The following PER2 variants were observed in gnomAD, a reference collection of about 807,000 sequenced individuals.
The protein encoded by PER2 is period circadian regulator 2, also known as period circadian protein homolog 2.
Under a neutral mutation model 121.0 loss-of-function variants are expected in PER2, and 66 were observed. The observed-to-expected ratio is 0.55, with a 90% CI of 0.45 to 0.67. The LOEUF is 0.67. PER2 is among the 30% of genes least tolerant of loss of function. The pLI is 0.00. For synonymous variants in PER2, 684 were observed against 659.9 expected (o/e 1.04, Z -0.56); for missense variants, 1,521 against 1,635.0 (o/e 0.93, Z 1.20).
chr2:238,273,335 C>T (rs770465265), intron 4 of PER2, 144 bp from the exon 5 acceptor site: 17 of 871,152 alleles, frequency 2.0e-5, no homozygotes, highest in South Asian at 2.9e-5. Context: ...ACAGAACATA[C>T]GGAAACGTGA....
At chr2:238,296,959 G>A in the PER2 span, among the ~76,000 whole-genome samples, 29 of 152,262 alleles carry the variant, frequency 1.9e-4, no homozygotes, top group African/African-American at 6.0e-4. Context: ...CCCTCCTCGC[G>A]GGGGACATCT....
intron 16 of PER2, 65 bp from the exon 17 acceptor site, chr2:238,257,151 C>A: frequency 6.7e-7 from 1 of 1,490,516 alleles, no homozygotes; most frequent in Admixed American, 1.8e-5. Flanking sequence ...AGATGAGAAA[C>A]CGACACCCAA....
chr2:238,251,897 G>A, intron 19 of PER2, 136 bp from the exon 20 acceptor site: 1 of 776,322 alleles, frequency 1.3e-6, no homozygotes, highest in South Asian at 1.5e-5. Context: ...TTCACGGCCA[G>A]GGACGGCCTA....
chr2:238,282,246 C>G (rs911965885), intron 1 of PER2, among the ~76,000 whole-genome samples: 2 of 152,206 alleles, frequency 1.3e-5, no homozygotes, highest in African/African-American at 4.8e-5. Context: ...CTCCCTCGTG[C>G]CCACAGCCCT....
intron 8 of PER2, among the ~76,000 whole-genome samples, chr2:238,266,190 A>G (rs1696104244): frequency 1.3e-5 from 2 of 152,178 alleles, no homozygotes; most frequent in African/African-American, 2.4e-5. Flanking sequence ...GGCGTGAGCC[A>G]CTGCGCCCGG....
chr2:238,270,618 G>C (rs1361186783), intron 6 of PER2, among the ~76,000 whole-genome samples: 2 of 152,238 alleles, frequency 1.3e-5, no homozygotes, highest in African/African-American at 4.8e-5. Context: ...CCTGAGGAGA[G>C]TGGGGGTCAG....
upstream of PER2, among the ~76,000 whole-genome samples, chr2:238,295,004 G>A (rs1043099433): frequency 6.6e-6 from 1 of 152,250 alleles, no homozygotes; most frequent in Non-Finnish European, 1.5e-5. Context: ...CCAGCTCACA[G>A]TGCCCTCCTT....
rs1229407771 is a variant in PER2 at position 238,244,777 on chromosome 2, G to A, written c.*1598C>T. The stretch of plus-strand genomic sequence containing the variant: ...AACCCTGGTCCCAGTTGGGCGTGGT[G>A]GCTCACGCCTGTAATCCCAGCACTT... On this transcript the variant is annotated 3_prime_UTR_variant, in exon 23 of 23. Coordinates refer to ENST00000254657, the MANE Select transcript of PER2 (RefSeq NM_022817.3). 6.6e-6 allele frequency: 1 copy of A among 151,216 alleles called. No homozygotes were observed. Among genetic ancestry groups the A allele is most frequent in the Non-Finnish European group, 1.5e-5 (1 of 67,798 alleles). The allele number at this position is 151,216 out of a possible 1,614,324, so 9.4% of individuals were successfully genotyped here.
In PER2 at chr2:238,246,234, A is replaced by G. The variant is rs1224014750; in HGVS notation, c.*141T>C. ...TTTTAAGTCGCCCCTTCAGAAAACT[A>G]TGTTGTTTTTTTTTCTAAAACAAAA... On this transcript the variant is annotated 3_prime_UTR_variant, in exon 23 of 23. Transcript: ENST00000254657. 7.2e-6 allele frequency: 4 copies of G among 557,018 alleles called. No homozygotes were observed. The East Asian group carries it at 9.2e-5, about 13-fold the overall frequency. The allele number at this position is 557,018 out of a possible 1,614,324, so 34.5% of individuals were successfully genotyped here.
At chr2:238,285,719 C>T (rs1292616985) in intron 1 of PER2, among the ~76,000 whole-genome samples, 2 of 152,176 alleles carry the variant, frequency 1.3e-5, no homozygotes, top group Non-Finnish European at 2.9e-5. Context: ...CTCCTGGTGG[C>T]CCTCCCAGCC....
chr2:238,257,336 G>A (rs1433531558), intron 16 of PER2, among the ~76,000 whole-genome samples: 1 of 152,260 alleles, frequency 6.6e-6, no homozygotes, highest in Non-Finnish European at 1.5e-5. Flanking sequence ...GGCCTCTGCA[G>A]GGAGGCGCAG....
chr2:238,287,985 G>T (rs1387738427), intron 1 of PER2, among the ~76,000 whole-genome samples: 2 of 152,168 alleles, frequency 1.3e-5, no homozygotes, highest in Non-Finnish European at 2.9e-5. Context: ...GGTGGTCCAG[G>T]GGAGGCAAAG....
rs35572922 is a variant in PER2, at chr2:238,277,924, C to A, written c.13G>T (p.Ala5Ser). 671 of 1,613,676 alleles carry A rather than the reference C, an allele frequency of 4.2e-4. 4 individuals are homozygous for A. In the African/African-American group the frequency reaches 6.8e-3, roughly 16 times the overall value. Reference sequence around the variant, plus strand: ...TTACTGGGGCTGGGCGGAAATTCCGCGTATCCATTCATGCTGGGCTCTGGA... The same window carrying A: ...TTACTGGGGCTGGGCGGAAATTCCGAGTATCCATTCATGCTGGGCTCTGGA... MNGYAEFPPSPSNPT... is the reference protein window; with the variant it reads MNGYSEFPPSPSNPT... Residue 5 changes from alanine to serine, a missense_variant, in exon 2 of 23, where the codon GCG becomes TCG. By Grantham distance (99) the Ala-to-Ser change is moderately conservative. Transcript: ENST00000254657.
At chr2:238,291,831 C>T (rs1276884421), upstream of PER2, among the ~76,000 whole-genome samples, 4 of 152,206 alleles carry the variant, frequency 2.6e-5, no homozygotes, top group Non-Finnish European at 4.4e-5. Flanking sequence ...ACAAGGACAA[C>T]TTGCCTCTAG....
intron 16 of PER2, among the ~76,000 whole-genome samples, chr2:238,257,317 A>G (rs987686735): frequency 7.2e-5 from 11 of 152,194 alleles, no homozygotes; most frequent in Non-Finnish European, 1.5e-4. Flanking sequence ...TTACACACTT[A>G]AATCCTGAGG....
At position 238,262,478 on chromosome 2, in the gene PER2, A is replaced by G. The variant is rs1695965606; in HGVS notation, c.1154-134T>C. The G allele has an allele frequency of 3.9e-6, 3 of 778,828 alleles. No individual in the cohort carries two copies. The South Asian group carries it at 5.0e-5, about 13-fold the overall frequency. 48.2% of individuals were successfully genotyped at this position (778,828 alleles called of 1,614,324 possible). On this transcript the variant is annotated intron_variant, in intron 10 of 22. Transcript: ENST00000254657. Reference sequence around the variant, plus strand: ...GGGGTATGAACACTTCTTCAAAGCCACTGCTTTCAACCTCCTGTTTTTGCT... The same window carrying G: ...GGGGTATGAACACTTCTTCAAAGCCGCTGCTTTCAACCTCCTGTTTTTGCT...
intron 2 of PER2, 76 bp from the exon 3 acceptor site, chr2:238,277,269 G>C (rs2106324675): frequency 1.1e-6 from 1 of 949,520 alleles, no homozygotes; most frequent in South Asian, 1.3e-5. Flanking sequence ...CATCCTACCA[G>C]TGATAACAGG....
rs1362740905 is a variant in PER2 at position 238,261,784 on chromosome 2, G to A, written c.1361C>T (p.Ala454Val). ...FAAHPCTEEKALHPSIQELTE... is the reference protein window; with the variant it reads ...FAAHPCTEEKVLHPSIQELTE... ...GAGCTCCTGAATGCTGGGGTGCAGG[G>A]CCTTCTCCTCTGTGCAGGGGTGGGC... The change falls in exon 12 of 23, where the codon GCC (alanine) becomes GTC (valine). Residue 454 changes from alanine to valine, a missense_variant. Physicochemically the swap from Ala to Val is moderately conservative, Grantham distance 64. Coordinates refer to ENST00000254657, the MANE Select transcript of PER2 (RefSeq NM_022817.3). 2 of 1,577,914 alleles carry A rather than the reference G, an allele frequency of 1.3e-6. No homozygotes were observed. Among genetic ancestry groups the A allele is most frequent in the South Asian group, 2.3e-5 (2 of 86,252 alleles).
rs1211381258 is a variant in PER2, at chr2:238,245,649, A to T, written c.*726T>A. The T allele has an allele frequency of 5.0e-6, 2 of 398,542 alleles. No homozygotes were observed. The highest frequency in any genetic ancestry group is 4.1e-5 in the African/African-American group (2 of 48,634). The allele number at this position is 398,542 out of a possible 1,614,324, so 24.7% of individuals were successfully genotyped here. On this transcript the variant is annotated 3_prime_UTR_variant, in exon 23 of 23. Coordinates refer to ENST00000254657, the MANE Select transcript of PER2 (RefSeq NM_022817.3). ...GAAAAGGAGACAAGAATAATGCAGA[A>T]ATATACAGAGGGTCTGTCTGCGTGT...
Sources: allele counts gnomAD v4.1 joint callset (sites outside exome capture counted in the v4.1 genomes callset), GRCh38; gene constraint gnomAD v4.1.1; transcripts MANE v1.5; gene names NCBI Gene and HGNC (gene_info 2026-07-23, HGNC 2026-07-21).